PALM2AKAP2: variants seen among roughly 807,000 people sequenced by gnomAD.
PALM2AKAP2 encodes PALM2-AKAP2 fusion protein.
A neutral mutation model predicts 71.5 loss-of-function variants in PALM2AKAP2; 37 were observed. The observed-to-expected ratio is 0.52, with a 90% CI of 0.40 to 0.68. The LOEUF is 0.68. Ranked by LOEUF, PALM2AKAP2 falls within the 30% of genes least tolerant of loss-of-function variation. PALM2AKAP2 has a pLI of 0.00. For synonymous variants in PALM2AKAP2, 468 were observed against 478.8 expected (o/e 0.98, Z 0.29); for missense variants, 1,224 against 1,191.8 (o/e 1.03, Z -0.40).
intron 6 of PALM2AKAP2, among the ~76,000 whole-genome samples, chr9:109,998,013 G>T (rs12555129): frequency 0.21 from 32,246 of 152,182 alleles, 3,593 homozygotes; most frequent in Middle Eastern, 0.26. Flanking sequence ...AATCCACAGG[G>T]TTACTTGGAG....
chr9:109,902,363 G>A (rs1426769402), intron 3 of PALM2AKAP2, among the ~76,000 whole-genome samples: 5 of 152,196 alleles, frequency 3.3e-5, no homozygotes, highest in Non-Finnish European at 7.3e-5. Flanking sequence ...TGTGGCTCCC[G>A]TTTCTCTCTG....
At chr9:109,802,389 C>G (rs910172890) in intron 1 of PALM2AKAP2, among the ~76,000 whole-genome samples, 2 of 152,090 alleles carry the variant, frequency 1.3e-5, no homozygotes, top group Non-Finnish European at 2.9e-5. Context: ...TGCCCTGGGC[C>G]CTACAAATTA....
chr9:109,845,032 T>C (rs945935438), intron 1 of PALM2AKAP2, among the ~76,000 whole-genome samples: 6 of 152,188 alleles, frequency 3.9e-5, no homozygotes, highest in Non-Finnish European at 8.8e-5. Flanking sequence ...GAAGATGCAG[T>C]GTAGCATCCA....
chr9:109,896,834 T>G (rs937583461), intron 3 of PALM2AKAP2, among the ~76,000 whole-genome samples: 2 of 152,142 alleles, frequency 1.3e-5, no homozygotes, highest in Non-Finnish European at 2.9e-5. Context: ...ATTATTTAAT[T>G]TAAATGTTCG....
chr9:109,886,421 A>C (rs1829968816), intron 3 of PALM2AKAP2, among the ~76,000 whole-genome samples: 1 of 152,214 alleles, frequency 6.6e-6, no homozygotes, highest in Non-Finnish European at 1.5e-5. Context: ...GGGTTTTACT[A>C]AAGTGTTTGA....
At chr9:109,875,408 G>A (rs576070122) in intron 2 of PALM2AKAP2, among the ~76,000 whole-genome samples, 1 of 152,316 alleles carries the variant, frequency 6.6e-6, no homozygotes, top group East Asian at 1.9e-4. Context: ...AGTGAGAGTA[G>A]GGACTTGCCT....
chr9:110,151,772 CATT>C (rs1401720331), intron 2 of PALM2AKAP2, among the ~76,000 whole-genome samples: 3 of 147,508 alleles, frequency 2.0e-5, no homozygotes, highest in Admixed American at 6.7e-5. Context: ...TTCAGTCTAA[CATT>C]GTTGTAGTGG....
intron 1 of PALM2AKAP2, among the ~76,000 whole-genome samples, chr9:110,076,773 C>T (rs559228467): frequency 6.6e-6 from 1 of 152,000 alleles, no homozygotes; most frequent in African/African-American, 2.4e-5. Context: ...AGGCCACCTC[C>T]GAGTTTTGTG....
At chr9:109,691,442 G>C (rs1778734912) in intron 1 of PALM2AKAP2, among the ~76,000 whole-genome samples, 1 of 151,952 alleles carries the variant, frequency 6.6e-6, no homozygotes, top group Non-Finnish European at 1.5e-5. Context: ...ATTTAAGAAT[G>C]CTCTTTCTAG....
intron 1 of PALM2AKAP2, chr9:109,863,032 G>C: frequency 4.4e-6 from 2 of 457,968 alleles, no homozygotes; most frequent in South Asian, 3.1e-5. Context: ...GCAATGGGGA[G>C]ACATCCTTGG....
intron 3 of PALM2AKAP2, 86 bp from the exon 11 acceptor site, chr9:110,168,313 G>A: frequency 6.6e-7 from 1 of 1,506,762 alleles, no homozygotes; most frequent in Non-Finnish European, 9.0e-7. Context: ...TTGATAAAGA[G>A]AAAGGAAGAA....
intron 3 of PALM2AKAP2, among the ~76,000 whole-genome samples, chr9:110,157,675 C>T (rs1385248550): frequency 1.3e-5 from 2 of 152,150 alleles, no homozygotes; most frequent in Admixed American, 6.6e-5. Context: ...GCTGGGATTA[C>T]AGACATGAGC....
At chr9:109,788,167 C>T (rs1465438409) in intron 1 of PALM2AKAP2, among the ~76,000 whole-genome samples, 1 of 152,182 alleles carries the variant, frequency 6.6e-6, no homozygotes, top group Admixed American at 6.5e-5. Flanking sequence ...CACATCAAGT[C>T]AGCACCTTAA....
chr9:109,706,325 C>T (rs962594384), intron 1 of PALM2AKAP2, among the ~76,000 whole-genome samples: 2 of 151,858 alleles, frequency 1.3e-5, no homozygotes, highest in African/African-American at 4.8e-5. Context: ...ATATTCACTA[C>T]CATGGCAAAC....
At chr9:109,913,252 G>A (rs1044276126) in intron 3 of PALM2AKAP2, among the ~76,000 whole-genome samples, 3 of 152,172 alleles carry the variant, frequency 2.0e-5, no homozygotes, top group Admixed American at 6.5e-5. Context: ...TTATAGGAGC[G>A]ATCAGCTCGC....
intron 5 of PALM2AKAP2, among the ~76,000 whole-genome samples, chr9:109,931,014 G>A (rs1389708478): frequency 6.6e-6 from 1 of 152,222 alleles, no homozygotes; most frequent in Non-Finnish European, 1.5e-5. Context: ...ACTGATGGAC[G>A]TTCCAGGATT....
chr9:109,723,845 G>A (rs1828438682), intron 1 of PALM2AKAP2, among the ~76,000 whole-genome samples: 1 of 152,142 alleles, frequency 6.6e-6, no homozygotes, highest in African/African-American at 2.4e-5. Flanking sequence ...GATCCTGGGT[G>A]CTCCATAGTG....
chr9:109,974,685 A>G (rs928717491), intron 6 of PALM2AKAP2, among the ~76,000 whole-genome samples: 12 of 152,130 alleles, frequency 7.9e-5, no homozygotes, highest in Admixed American at 7.9e-4. Flanking sequence ...AAGAAATACC[A>G]TTTTCTCATC....
At chr9:110,164,529 T>C (rs1671864474) in intron 3 of PALM2AKAP2, among the ~76,000 whole-genome samples, 2 of 28,582 alleles carry the variant, frequency 7.0e-5, no homozygotes, top group South Asian at 2.3e-3. Flanking sequence ...TTTAGTTTAC[T>C]TTTTTTTTTT....
Sources: allele counts gnomAD v4.1 joint callset (sites outside exome capture counted in the v4.1 genomes callset), GRCh38; gene constraint gnomAD v4.1.1; transcripts MANE v1.5; gene names NCBI Gene and HGNC (gene_info 2026-07-23, HGNC 2026-07-21).